Variants in SFMBT2 observed in about 807,000 individuals in gnomAD.
SFMBT2 encodes the protein Scm like with four mbt domains 2.
In SFMBT2, 38 loss-of-function variants were observed where a neutral mutation model predicts 110.1. The ratio of observed to expected loss-of-function variants is 0.35; its 90% confidence interval spans 0.27 to 0.45. The LOEUF is 0.45. SFMBT2 is among the 20% of genes least tolerant of loss of function. The pLI is 1.00. For synonymous variants in SFMBT2, 425 were observed against 425.4 expected, an observed-to-expected ratio of 1.00 and a Z score of 0.01; for missense variants, 1,011 against 1,094.9, an observed-to-expected ratio of 0.92 and a Z score of 1.08.
At chr10:7,222,332 G>A (rs958678473) in intron 10 of SFMBT2, among the ~76,000 whole-genome samples, 6 of 152,184 alleles carry the variant, frequency 3.9e-5, no homozygotes, top group Non-Finnish European at 7.4e-5. Context: ...TCATGTAAAC[G>A]TAAGTATATT....
chr10:7,245,974 T>C (rs1027680612), intron 8 of SFMBT2, among the ~76,000 whole-genome samples: 1 of 152,224 alleles, frequency 6.6e-6, no homozygotes, highest in Non-Finnish European at 1.5e-5. Context: ...TTTCCTCATA[T>C]TTAAAGAAAT....
chr10:7,179,409 A>C (rs150901189), intron 16 of SFMBT2, among the ~76,000 whole-genome samples: 2 of 151,362 alleles, frequency 1.3e-5, no homozygotes, highest in South Asian at 2.1e-4. Flanking sequence ...AAAAAAAAAA[A>C]AAAAAAACAA....
chr10:7,407,272 G>C (rs932169332), intron 1 of SFMBT2, among the ~76,000 whole-genome samples: 3 of 133,070 alleles, frequency 2.3e-5, no homozygotes, highest in Non-Finnish European at 3.1e-5. Flanking sequence ...CCCAGGAAAC[G>C]AGGCCACATT....
At chr10:7,402,911 G>A (rs542752885) in intron 1 of SFMBT2, among the ~76,000 whole-genome samples, 2 of 152,302 alleles carry the variant, frequency 1.3e-5, no homozygotes, top group African/African-American at 4.8e-5. Flanking sequence ...CCCAGCTTTC[G>A]ATAGTGTCTT....
Position 7,284,139 on chromosome 10 carries a change from C to G in SFMBT2, c.537G>C (p.Gly179=). 6.2e-7 allele frequency: 1 copy of G among 1,613,612 alleles called. No individual in the cohort carries two copies. The highest frequency in any genetic ancestry group is 8.5e-7 in the Non-Finnish European group (1 of 1,179,858). Reference sequence around the variant, plus strand: ...CTGTAATGAGGTCTATAGGGCCTTTCCCTCGCAGAGGCTGTTTAAACAGAA... The same window carrying G: ...CTGTAATGAGGTCTATAGGGCCTTTGCCTCGCAGAGGCTGTTTAAACAGAA... ...PANLLEGPLR[G]KGPIDLITVG... is the part of the protein sequence containing the mutation. Residue 179 remains glycine, a synonymous_variant, in exon 6 of 21, where the codon GGG becomes GGC. Coordinates refer to ENST00000397167, the MANE Select transcript of SFMBT2 (RefSeq NM_001387889.1).
intron 9 of SFMBT2, among the ~76,000 whole-genome samples, chr10:7,234,873 G>C (rs1318036245): frequency 6.6e-6 from 1 of 152,226 alleles, no homozygotes; most frequent in Non-Finnish European, 1.5e-5. Flanking sequence ...ACAACAGCCT[G>C]GTTCAAGGGA....
In SFMBT2 at chr10:7,273,714, G is replaced by T. The variant is rs530287152; in HGVS notation, c.870+3178C>A. On this transcript the variant is annotated intron_variant, in intron 7 of 20. Transcript: ENST00000397167. ...TCCCACCTATGAGTGAGAACATGCG[G>T]TGTTTGATTTTCTGTCCTTGCAATA... Among the ~76,000 whole-genome samples, 4 of 152,282 alleles carry T rather than the reference G, an allele frequency of 2.6e-5. No individual in the cohort carries two copies. The South Asian group carries it at 8.3e-4, about 32-fold the overall frequency.
chr10:7,265,085 T>C (rs1332142508), intron 7 of SFMBT2, among the ~76,000 whole-genome samples: 2 of 152,124 alleles, frequency 1.3e-5, no homozygotes, highest in Non-Finnish European at 2.9e-5. Context: ...TTTGTTTTTT[T>C]AATGCTGAGA....
chr10:7,269,858 G>A (rs1301459673), intron 7 of SFMBT2, among the ~76,000 whole-genome samples: 1 of 149,564 alleles, frequency 6.7e-6, no homozygotes, highest in African/African-American at 2.5e-5. Flanking sequence ...TGAAGCAACT[G>A]CTAAGACAGT....
intron 20 of SFMBT2, among the ~76,000 whole-genome samples, chr10:7,167,235 G>A (rs184031044): frequency 3.9e-5 from 6 of 152,220 alleles, no homozygotes; most frequent in Admixed American, 6.5e-5. Flanking sequence ...TGCTTATTGC[G>A]CTGTCTCTGA....
At chr10:7,370,490 C>A in intron 2 of SFMBT2, 115 bp from the exon 3 acceptor site, 1 of 875,812 alleles carries the variant, frequency 1.1e-6, no homozygotes, top group African/African-American at 1.7e-5. Flanking sequence ...TTCCACAGTT[C>A]AGAAGGATAT....
chr10:7,244,113 A>C (rs1391092687), intron 8 of SFMBT2: 1 of 588,224 alleles, frequency 1.7e-6, no homozygotes, highest in Non-Finnish European at 2.1e-6. Flanking sequence ...TTTACACCAG[A>C]TCACTCAAGA....
At chr10:7,315,046 A>AAGAAAGAAAGAC (rs1842960340) in intron 4 of SFMBT2, among the ~76,000 whole-genome samples, 1 of 106,530 alleles carries the variant, frequency 9.4e-6, no homozygotes, top group Non-Finnish European at 2.1e-5. Context: ...AAGAGAAAGA[A>AAGAAAGAAAGAC]AGAAAGAAAG....
At chr10:7,370,551 A>G (rs776930098) in intron 2 of SFMBT2, among the ~76,000 whole-genome samples, 176 bp from the exon 3 acceptor site, 2 of 152,238 alleles carry the variant, frequency 1.3e-5, no homozygotes, top group Admixed American at 6.5e-5. Flanking sequence ...AGTGTTGACT[A>G]AAGAAAGGAA....
At chr10:7,368,182 T>C in intron 3 of SFMBT2, 1 of 346,816 alleles carries the variant, frequency 2.9e-6, no homozygotes, top group Middle Eastern at 1.4e-3. Context: ...ATAAAAAACA[T>C]TAATGAAACA....
In SFMBT2 at chr10:7,171,188, A is replaced by AGGGAGC; in HGVS notation, c.2416-133_2416-132insGCTCCC. ...CCTTTGCTCCCTCACTGGGCACCTGAAAAAGCTGCACACACTCTCAGTCCC... is the reference window on the plus strand; with the variant it reads ...CCTTTGCTCCCTCACTGGGCACCTGAGGGAGCAAAAGCTGCACACACTCTCAGTCCC... On this transcript the variant is annotated intron_variant, in intron 19 of 20. Transcript: ENST00000397167. This position sits in a 1 kb window ranked among gnomAD's most constrained non-coding sequence, Gnocchi z 4.9. The AGGGAGC allele has an allele frequency of 6.8e-7, 1 of 1,469,314 alleles. No homozygotes were observed. Among genetic ancestry groups the AGGGAGC allele is most frequent in the Non-Finnish European group, 9.3e-7 (1 of 1,079,640 alleles). 91.0% of individuals were successfully genotyped at this position (1,469,314 alleles called of 1,614,324 possible).
chr10:7,251,572 T>C (rs760725883), intron 7 of SFMBT2, among the ~76,000 whole-genome samples: 4 of 152,130 alleles, frequency 2.6e-5, no homozygotes, highest in Admixed American at 6.5e-5. Flanking sequence ...CCTTCCCCAT[T>C]TAAGTATAAA....
Position 7,284,055 on chromosome 10 carries a change from A to G in SFMBT2, c.621T>C (p.Ser207=). The part of the protein sequence containing the change: ...SQNPFQYWIV[S]VIENVGGRLR... ...ATCTTCCTCCAACATTTTCAATCACACTAACTATCCAGTACTGAAAAGGGT... is the reference window on the plus strand; with the variant it reads ...ATCTTCCTCCAACATTTTCAATCACGCTAACTATCCAGTACTGAAAAGGGT... The change falls in exon 6 of 21, where the codon AGT becomes AGC. Residue 207 remains serine (S), a synonymous_variant. Transcript: ENST00000397167. 1 of 1,614,164 alleles carries G rather than the reference A, an allele frequency of 6.2e-7. No individual in the cohort carries two copies. Among genetic ancestry groups the G allele is most frequent in the South Asian group, 1.1e-5 (1 of 91,078 alleles).
intron 4 of SFMBT2, among the ~76,000 whole-genome samples, chr10:7,355,742 G>A (rs1844486097): frequency 6.6e-6 from 1 of 152,148 alleles, no homozygotes; most frequent in African/African-American, 2.4e-5. Flanking sequence ...AACCCAGGAG[G>A]CAGAGGCTGC....
Sources: gnomAD v4.1 joint callset for allele counts (sites outside exome capture counted in the v4.1 genomes callset) on GRCh38, gnomAD v4.1.1 for gene constraint, Gnocchi (gnomAD v3.1) non-coding constraint, MANE v1.5 for transcripts, NCBI Gene and HGNC (gene_info 2026-07-23, HGNC 2026-07-21) for gene names.